Variants in RAB40C observed in about 807,000 individuals in gnomAD.
RAB40C encodes ras-related protein Rab-40C.
A neutral mutation model predicts 28.1 loss-of-function variants in RAB40C; 8 were observed. That is an observed-to-expected ratio of 0.28 (90% CI 0.17 to 0.51). RAB40C has a LOEUF of 0.51. Ranked by LOEUF, RAB40C falls within the 20% of genes least tolerant of loss-of-function variation. The pLI, the probability that RAB40C is intolerant of heterozygous loss-of-function variation, is 0.97. For missense variants in RAB40C, 288 were observed against 405.9 expected (o/e 0.71, Z 2.50); for synonymous variants, 201 against 171.7 (o/e 1.17, Z -1.34).
At chr16:625,549 C>T (rs770874166) in intron 4 of RAB40C, 40 bp downstream of exon 4, 2 of 1,595,440 alleles carry the variant, frequency 1.3e-6, no homozygotes, top group Non-Finnish European at 1.7e-6. Flanking sequence ...GGAAGGCAGG[C>T]TGGATGGAGG....
chr16:624,981 C>T lies in RAB40C; in HGVS notation c.265-451C>T, dbSNP rs905419533. 8.5e-6 allele frequency: 11 copies of T among 1,289,394 alleles called. No individual in the cohort carries two copies. In the African/African-American group the frequency reaches 1.7e-4, roughly 20 times the overall value. 79.9% of individuals were successfully genotyped at this position (1,289,394 alleles called of 1,614,324 possible). Reference sequence around the variant, plus strand: ...CTTCACAGAAACTGTCCTGGAGGGACTGGCATTCTGCTCTGCAAGTTTTAG... The same window carrying T: ...CTTCACAGAAACTGTCCTGGAGGGATTGGCATTCTGCTCTGCAAGTTTTAG... On this transcript the variant is annotated intron_variant, in intron 3 of 5. Coordinates refer to ENST00000248139, the MANE Select transcript of RAB40C (RefSeq NM_021168.5).
chr16:622,783 C>T (rs1208116127), intron 3 of RAB40C, among the ~76,000 whole-genome samples: 1 of 152,204 alleles, frequency 6.6e-6, no homozygotes, highest in African/African-American at 2.4e-5. Context: ...GGATCGCAGG[C>T]GTGAGCCACG....
Position 610,998 on chromosome 16 carries a change from G to A in RAB40C, c.143-6210G>A, listed in dbSNP as rs553788570. Among the ~76,000 whole-genome samples the A allele has an allele frequency of 8.5e-4, 129 of 152,284 alleles. No homozygotes were observed. Among genetic ancestry groups the A allele is most frequent in the African/African-American group, 2.9e-3 (119 of 41,550 alleles). Reference sequence around the variant, plus strand: ...GTGTCTAAATGGTATCCATGGGGACGTTGTTTCATAGTCTTCTTACACTTT... The same window carrying A: ...GTGTCTAAATGGTATCCATGGGGACATTGTTTCATAGTCTTCTTACACTTT... On this transcript the variant is annotated intron_variant, in intron 1 of 5. Transcript: ENST00000248139. The surrounding 1 kb of genome is among the most constrained non-coding windows in gnomAD (Gnocchi z 4.6).
intron 1 of RAB40C, among the ~76,000 whole-genome samples, chr16:599,195 AGGCCCC>A (rs1029853987): frequency 6.6e-6 from 1 of 152,258 alleles, no homozygotes; most frequent in Non-Finnish European, 1.5e-5. Context: ...GTCACAGCCC[AGGCCCC>A]GGCCCCGGCC....
At chr16:603,597 T>C (rs1024024729) in intron 1 of RAB40C, among the ~76,000 whole-genome samples, 2 of 152,166 alleles carry the variant, frequency 1.3e-5, no homozygotes, top group Non-Finnish European at 2.9e-5. Flanking sequence ...GCCCTGTGGG[T>C]TTAATTTTTT....
In RAB40C at chr16:618,196, T is replaced by C; in HGVS notation, c.204-4T>C. On this transcript the variant is annotated splice_region_variant and splice_polypyrimidine_tract_variant and intron_variant, in intron 2 of 5. Transcript: ENST00000248139. ...CCGGCCCCTCCCCTCCCCGTATGTT[T>C]CAGGGACACGTCGGGCCAGGGCCGG... 6.2e-7 allele frequency: 1 copy of C among 1,612,830 alleles called. No homozygotes were observed. Among genetic ancestry groups the C allele is most frequent in the Non-Finnish European group, 8.5e-7 (1 of 1,179,648 alleles).
intron 3 of RAB40C, among the ~76,000 whole-genome samples, chr16:622,412 G>A (rs2151079513): frequency 6.6e-6 from 1 of 152,330 alleles, no homozygotes; most frequent in Admixed American, 6.5e-5. Context: ...GGACACGTCT[G>A]TAGACGCTGA....
chr16:607,043 TC>T (rs770089411), intron 1 of RAB40C, among the ~76,000 whole-genome samples: 11 of 151,976 alleles, frequency 7.2e-5, no homozygotes, highest in African/African-American at 1.9e-4. Flanking sequence ...TGGCCGAGGG[TC>T]CCACTTCCGA....
At position 626,135 on chromosome 16, in the gene RAB40C, C is replaced by T. The variant is rs765666657; in HGVS notation, c.565+14C>T. ...GGCCCAACCGAGGTGGGTGGGCGGG[C>T]GCCGGCCAGCCCTGAGGTCCCCGAA... On this transcript the variant is annotated intron_variant, in intron 5 of 5. Transcript: ENST00000248139. 1.1e-5 allele frequency: 17 copies of T among 1,604,674 alleles called. No individual in the cohort carries two copies. Among genetic ancestry groups the T allele is most frequent in the African/African-American group, 5.4e-5 (4 of 74,712 alleles).
rs117864333 is a variant in RAB40C at position 611,572 on chromosome 16, G to A, written c.143-5636G>A. On this transcript the variant is annotated intron_variant, in intron 1 of 5. Transcript: ENST00000248139. ...TGAGCGCGGTGCCTCCCTGAAGAGTGTTGTTTCACTTGTGAGTGTGCACGG... is the reference window on the plus strand; with the variant it reads ...TGAGCGCGGTGCCTCCCTGAAGAGTATTGTTTCACTTGTGAGTGTGCACGG... Among the ~76,000 whole-genome samples, 27 of 152,334 alleles carry A rather than the reference G, an allele frequency of 1.8e-4. No individual in the cohort carries two copies. The East Asian group carries it at 4.6e-3, about 26-fold the overall frequency.
At chr16:607,812 G>A (rs530873404) in intron 1 of RAB40C, among the ~76,000 whole-genome samples, 8 of 152,254 alleles carry the variant, frequency 5.3e-5, no homozygotes, top group Non-Finnish European at 1.0e-4. Context: ...GAAAAGAAAA[G>A]AAAGTCGCAT....
chr16:617,662 G>C (rs12920965), intron 2 of RAB40C, among the ~76,000 whole-genome samples: 1 of 152,098 alleles, frequency 6.6e-6, no homozygotes, highest in African/African-American at 2.4e-5. Context: ...GGCCAACATG[G>C]TGAAACGCCA....
intron 5 of RAB40C, 140 bp downstream of exon 5, chr16:626,261 G>A (rs763015): frequency 3.7e-6 from 3 of 807,282 alleles, no homozygotes; most frequent in Admixed American, 4.7e-5. Flanking sequence ...CTCGGCCGGC[G>A]GCAGGTCAGT....
At chr16:615,501 T>G (rs2036568562) in intron 1 of RAB40C, among the ~76,000 whole-genome samples, 1 of 151,860 alleles carries the variant, frequency 6.6e-6, no homozygotes, top group South Asian at 2.1e-4. Flanking sequence ...GTTTCTAAGG[T>G]GGGGGAAGGG....
chr16:604,227 A>C (rs1266969892), intron 1 of RAB40C, among the ~76,000 whole-genome samples: 4 of 129,872 alleles, frequency 3.1e-5, no homozygotes, highest in Non-Finnish European at 6.5e-5. Flanking sequence ...GCTCAGAGCT[A>C]GTTCTTTTAA....
At chr16:595,825 A>G (rs1313846813) in intron 1 of RAB40C, among the ~76,000 whole-genome samples, 1 of 151,964 alleles carries the variant, frequency 6.6e-6, no homozygotes, top group Non-Finnish European at 1.5e-5. Flanking sequence ...CTGGTCTTGA[A>G]CTGCTGACCT....
At chr16:620,254 A>G (rs1029262451) in intron 3 of RAB40C, among the ~76,000 whole-genome samples, 2 of 152,166 alleles carry the variant, frequency 1.3e-5, no homozygotes, top group African/African-American at 2.4e-5. Context: ...TTAGCCGAGC[A>G]TGGTGGCGGG....
At chr16:593,164 G>C (rs1240832313) in intron 1 of RAB40C, among the ~76,000 whole-genome samples, 1 of 151,382 alleles carries the variant, frequency 6.6e-6, no homozygotes, top group Non-Finnish European at 1.5e-5. Flanking sequence ...CACAGCACAA[G>C]GAGCAGGTCT....
intron 5 of RAB40C, 61 bp from the exon 6 acceptor site, chr16:627,281 C>A: frequency 4.6e-6 from 7 of 1,516,412 alleles, no homozygotes; most frequent in Non-Finnish European, 6.3e-6. Flanking sequence ...CACCTCAGGT[C>A]TCCCTGCACA....
Sources: allele counts gnomAD v4.1 joint callset (sites outside exome capture counted in the v4.1 genomes callset), GRCh38; gene constraint gnomAD v4.1.1; non-coding constraint Gnocchi (gnomAD v3.1); transcripts MANE v1.5; gene names NCBI Gene and HGNC (gene_info 2026-07-23, HGNC 2026-07-21).